The following GFAP variants were observed in gnomAD, a reference collection of about 807,000 sequenced individuals.
The protein encoded by GFAP is glial fibrillary acidic protein.
A neutral mutation model predicts 49.3 loss-of-function variants in GFAP; 38 were observed. The ratio of observed to expected loss-of-function variants is 0.77; its 90% CI spans 0.60 to 1.01. The LOEUF is 1.01. Among genes scored for constraint, GFAP ranks in the 50% least tolerant of loss-of-function variants. The pLI, the probability that GFAP is intolerant of heterozygous loss-of-function variation, is 0.00. For missense variants in GFAP, 463 were observed against 579.1 expected, an observed-to-expected ratio of 0.80 and a Z score of 2.06; for synonymous variants, 222 against 236.4, an observed-to-expected ratio of 0.94 and a Z score of 0.56.
Position 44,913,327 on chromosome 17 carries a change from T to C in GFAP, c.722A>G (p.Gln241Arg), listed in dbSNP as rs1428792398. The change falls in exon 4 of 9, where the codon CAG becomes CGG. Residue 241 changes from glutamine to arginine, a missense_variant. Transcript: ENST00000588735. ...LTAALKEIRT[Q>R]YEAMASSNMH... Reference sequence around the variant, plus strand: ...GTTGCTGGACGCCATTGCCTCATACTGCGTGCGGATCTCTTTCAGGGCTGC... The same window carrying C: ...GTTGCTGGACGCCATTGCCTCATACCGCGTGCGGATCTCTTTCAGGGCTGC... 3 of 1,614,198 alleles carry C rather than the reference T, an allele frequency of 1.9e-6. No homozygotes were observed. The highest frequency in any genetic ancestry group is 2.2e-5 in the South Asian group (2 of 91,086).
At position 44,903,269 on chromosome 17, in the gene GFAP, T is replaced by G. The variant is rs775064776; in HGVS notation, c.*4078A>C. ...GAATGGACATGTAATCAACAAATGA[T>G]CAAATACTACATCATTTGAGGTGTT... is the stretch of plus-strand genomic sequence containing the variant. On this transcript the variant is annotated 3_prime_UTR_variant, in exon 9 of 9. Coordinates refer to ENST00000588735, the MANE Select transcript of GFAP (RefSeq NM_002055.5). 8.0e-7 allele frequency: 1 copy of G among 1,249,574 alleles called. No homozygotes were observed. The highest frequency in any genetic ancestry group is 1.0e-6 in the Non-Finnish European group (1 of 998,000). The allele number at this position is 1,249,574 out of a possible 1,614,324, so 77.4% of individuals were successfully genotyped here.
chr17:44,912,126 T>TTTG (rs1567775054), intron 4 of GFAP, among the ~76,000 whole-genome samples: 1 of 151,710 alleles, frequency 6.6e-6, no homozygotes, highest in African/African-American at 2.4e-5. Flanking sequence ...TTTTTTGTTT[T>TTTG]TTTTGTTTTA....
Position 44,905,185 on chromosome 17 carries a change from A to G in GFAP, c.*2162T>C. On this transcript the variant is annotated 3_prime_UTR_variant, in exon 9 of 9. Coordinates refer to ENST00000588735, the MANE Select transcript of GFAP (RefSeq NM_002055.5). ...ACAGGTGGTAGGAACATGTGGACAA[A>G]TCTGTTACAGCCTGCTCCCCATTTT... 1.3e-6 allele frequency: 1 copy of G among 794,164 alleles called. No homozygotes were observed. The highest frequency in any genetic ancestry group is 2.0e-6 in the Non-Finnish European group (1 of 497,558). The allele number at this position is 794,164 out of a possible 1,614,324, so 49.2% of individuals were successfully genotyped here. A position where few individuals can be genotyped will look rare whatever the true frequency, so the allele number is the denominator to read the frequency against.
Position 44,913,904 on chromosome 17 carries a change from C to T in GFAP, c.523-81G>A, listed in dbSNP as rs1471594095. ...TCCCCATTCCTCAGCCTTGCCTTAC[C>T]CCTCCTTCTGGGGCAGTGGGGAGCA... is the stretch of plus-strand genomic sequence containing the variant. On this transcript the variant is annotated intron_variant, in intron 2 of 8. Coordinates refer to ENST00000588735, the MANE Select transcript of GFAP (RefSeq NM_002055.5). 3.6e-6 allele frequency: 5 copies of T among 1,383,638 alleles called. No individual in the cohort carries two copies. In the Admixed American group the frequency reaches 8.4e-5, roughly 23 times the overall value. 85.7% of individuals were successfully genotyped at this position (1,383,638 alleles called of 1,614,324 possible).
At chr17:44,910,042 G>A in intron 7 of GFAP, 1 of 1,603,026 alleles carries the variant, frequency 6.2e-7, no homozygotes, top group African/African-American at 1.3e-5. Context: ...GGGGAAGCCT[G>A]GGAAGAGGGA....
At position 44,904,747 on chromosome 17, in the gene GFAP, C is replaced by T. The variant is rs560102438; in HGVS notation, c.*2600G>A. ...TGGCCTGGGACAAAGACCGCCAGCA[C>T]CTCTACCGCACACAGTACCTGAAGG... On this transcript the variant is annotated 3_prime_UTR_variant, in exon 9 of 9. Coordinates refer to ENST00000588735, the MANE Select transcript of GFAP (RefSeq NM_002055.5). The T allele has an allele frequency of 1.3e-6, 2 of 1,550,606 alleles. No homozygotes were observed. Among genetic ancestry groups the T allele is most frequent in the East Asian group, 2.4e-5 (1 of 40,924 alleles).
Position 44,908,074 on chromosome 17 carries a change from C to G in GFAP, c.1247G>C (p.Arg416Pro). The part of the protein sequence containing the change: ...RNIVVKTVEM[R>P]DGEVIKESKQ... ...CAAATCCCTCCTTACCTCTCCATCC[C>G]GCATCTCCACGGTCTTCACCACGAT... The change falls in exon 8 of 9, where the codon CGG becomes CCG. Residue 416 changes from arginine (R) to proline (P), a missense_variant. Physicochemically the swap from Arg to Pro is moderately radical, Grantham distance 103. Around this residue, in one of 3 missense-constraint regions of GFAP, gnomAD observed 362 missense variants for 445.5 expected, o/e 0.81. Transcript: ENST00000588735. The G allele has an allele frequency of 6.2e-7, 1 of 1,605,792 alleles. No individual in the cohort carries two copies. Among genetic ancestry groups the G allele is most frequent in the Middle Eastern group, 1.7e-4 (1 of 6,036 alleles).
rs2079719986 is a variant in GFAP, at chr17:44,904,764, A to G, written c.*2583T>C. ...CGCCAGCACCTCTACCGCACACAGT[A>G]CCTGAAGGGTGTCAACAGGTCCATG... On this transcript the variant is annotated 3_prime_UTR_variant, in exon 9 of 9. Transcript: ENST00000588735. 1.3e-6 allele frequency: 2 copies of G among 1,550,476 alleles called. No individual in the cohort carries two copies. Among genetic ancestry groups the G allele is most frequent in the Non-Finnish European group, 1.7e-6 (2 of 1,147,010 alleles).
rs1304537635 is a variant in GFAP, at chr17:44,912,434, T to C, written c.781-637A>G. On this transcript the variant is annotated intron_variant, in intron 4 of 8. Coordinates refer to ENST00000588735, the MANE Select transcript of GFAP (RefSeq NM_002055.5). Reference sequence around the variant, plus strand: ...CACCTCGCCTGGCCTCACCCTGGGTTCTAATAGCCCTTTCTCCCCTGCCTG... The same window carrying C: ...CACCTCGCCTGGCCTCACCCTGGGTCCTAATAGCCCTTTCTCCCCTGCCTG... 3.3e-5 allele frequency: 5 copies of C among 153,698 alleles called. No homozygotes were observed. The East Asian group carries it at 9.6e-4, about 30-fold the overall frequency. The allele number at this position is 153,698 out of a possible 1,614,324, so 9.5% of individuals were successfully genotyped here. A position where few individuals can be genotyped will look rare whatever the true frequency, so the allele number is the denominator to read the frequency against.
Position 44,907,301 on chromosome 17 carries a change from C to T in GFAP, c.*46G>A, listed in dbSNP as rs770321525. On this transcript the variant is annotated 3_prime_UTR_variant, in exon 9 of 9. Transcript: ENST00000588735. ...GCGGAGCAACTATCCTGCTTCTGCTCGGGCCCCTCATGAGACGGGGCAGAG... is the reference window on the plus strand; with the variant it reads ...GCGGAGCAACTATCCTGCTTCTGCTTGGGCCCCTCATGAGACGGGGCAGAG... The T allele has an allele frequency of 7.6e-5, 120 of 1,587,272 alleles. No homozygotes were observed. The highest frequency in any genetic ancestry group is 5.3e-4 in the Middle Eastern group (3 of 5,710).
rs3826425 is a variant in GFAP at position 44,904,286 on chromosome 17, A to G, written c.*3061T>C. On this transcript the variant is annotated 3_prime_UTR_variant, in exon 9 of 9. Coordinates refer to ENST00000588735, the MANE Select transcript of GFAP (RefSeq NM_002055.5). ...GGGAATGGTGGCCACTTTCCAGGAC[A>G]AGGGCCAGGAGCCCTTTGCAGATGA... 0.31 allele frequency: 475,386 copies of G among 1,549,140 alleles called. 73,617 individuals are homozygous for G. The highest frequency in any genetic ancestry group is 0.32 in the Non-Finnish European group (363,308 of 1,146,334).
intron 4 of GFAP, among the ~76,000 whole-genome samples, chr17:44,912,115 T>TG (rs1176118954): frequency 1.3e-5 from 2 of 148,242 alleles, no homozygotes; most frequent in Non-Finnish European, 2.9e-5. Flanking sequence ...TGTGTTTTTG[T>TG]TTTTTTGTTT....
intron 7 of GFAP, chr17:44,909,955 A>G (rs2051719335): frequency 6.9e-7 from 1 of 1,450,140 alleles, no homozygotes; most frequent in Admixed American, 2.7e-5. Context: ...CTGCCAGTTT[A>G]ATGTACAGTT....
chr17:44,903,660 A>G lies in GFAP; in HGVS notation c.*3687T>C. ...AGGGCATCTTGTACATCCACTGGGA[A>G]TAAATTGCCTTGCACTTGGCGGCTT... On this transcript the variant is annotated 3_prime_UTR_variant, in exon 9 of 9. Transcript: ENST00000588735. 1 of 1,433,876 alleles carries G rather than the reference A, an allele frequency of 7.0e-7. No homozygotes were observed. The highest frequency in any genetic ancestry group is 1.4e-5 in the African/African-American group (1 of 69,798). 88.8% of individuals were successfully genotyped at this position (1,433,876 alleles called of 1,614,324 possible). A position where few individuals can be genotyped will look rare whatever the true frequency, so the allele number is the denominator to read the frequency against.
rs141327123 is a variant in GFAP at position 44,910,642 on chromosome 17, G to C, written c.1144C>G (p.Gln382Glu). Residue 382 changes from glutamine to glutamate, a missense_variant, in exon 7 of 9, where the codon CAG becomes GAG. By Grantham distance (29) the Gln-to-Glu change is conservative. This residue lies in a region of GFAP where 362 missense variants were observed against 445.5 expected (regional missense o/e 0.81). Coordinates refer to ENST00000588735, the MANE Select transcript of GFAP (RefSeq NM_002055.5). ...GEENRITIPVQTFSNLQIRET... is the reference protein window; with the variant it reads ...GEENRITIPVETFSNLQIRET... ...CGAATCTGCAGGTTGGAGAAGGTCT[G>C]CACGGGAATGGTGATCCTGAAAGAA... 1.7e-5 allele frequency: 27 copies of C among 1,585,688 alleles called. No individual in the cohort carries two copies. The highest frequency in any genetic ancestry group is 1.5e-4 in the Admixed American group (8 of 54,462).
chr17:44,913,532 T>G, intron 3 of GFAP, 102 bp from the exon 4 acceptor site: 1 of 1,286,852 alleles, frequency 7.8e-7, no homozygotes, highest in South Asian at 1.2e-5. Context: ...CGGCCAGGAG[T>G]TCGAATGCTC....
rs1196699574 is a variant in GFAP at position 44,911,567 on chromosome 17, C to A, written c.906+105G>T. On this transcript the variant is annotated intron_variant, in intron 5 of 8. Transcript: ENST00000588735. ...CTCTAGCCCGGGGGTAACGTTCAGG[C>A]CCCGCCCTCGACCCAGGTCCTCGTC... 8.3e-6 allele frequency: 13 copies of A among 1,573,292 alleles called. No homozygotes were observed. In the South Asian group the frequency reaches 1.5e-4, roughly 18 times the overall value.
At chr17:44,914,109 C>T (rs1173174308) in intron 1 of GFAP, 21 bp from the exon 2 acceptor site, 14 of 1,541,534 alleles carry the variant, frequency 9.1e-6, no homozygotes, top group Non-Finnish European at 1.1e-5. Context: ...GGGACACATT[C>T]CTGGGTCCAG....
chr17:44,907,824 AGT>A, intron 8 of GFAP: 1 of 609,704 alleles, frequency 1.6e-6, no homozygotes, highest in East Asian at 2.8e-5. Flanking sequence ...AGAAAGAGAG[AGT>A]GTGTATTAGG....
Sources: gnomAD v4.1 joint callset for allele counts (sites outside exome capture counted in the v4.1 genomes callset) on GRCh38, gnomAD v4.1.1 for gene constraint, gnomAD v4.1.1 regional missense constraint, MANE v1.5 for transcripts, NCBI Gene and HGNC (gene_info 2026-07-23, HGNC 2026-07-21) for gene names.